DNM2: variants seen among roughly 807,000 people sequenced by gnomAD.
The protein encoded by DNM2 is dynamin 2.
A neutral mutation model predicts 99.0 loss-of-function variants in DNM2; 15 were observed. That is an observed-to-expected ratio of 0.15 (90% CI 0.10 to 0.23). DNM2 has a LOEUF of 0.23. DNM2 is among the 10% of genes least tolerant of loss of function. The pLI is 1.00. For missense variants in DNM2, 742 were observed against 1,189.4 expected (o/e 0.62, Z 5.53); for synonymous variants, 525 against 481.2 (o/e 1.09, Z -1.19).
In DNM2 at chr19:10,764,068, G is replaced by A. The variant is rs1200968380; in HGVS notation, c.235+4257G>A. Among the ~76,000 whole-genome samples, 3 of 152,172 alleles carry A rather than the reference G, an allele frequency of 2.0e-5. No individual in the cohort carries two copies. Among genetic ancestry groups the A allele is most frequent in the Admixed American group, 1.3e-4 (2 of 15,284 alleles). On this transcript the variant is annotated intron_variant, in intron 2 of 20. Transcript: ENST00000389253. The surrounding 1 kb of genome is among the most constrained non-coding windows in gnomAD (Gnocchi z 4.1). ...GGAGAGGAAAATGAACACATTGCGG[G>A]CATCAGTGATTGCTGGGGCCGGCGG...
intron 1 of DNM2, among the ~76,000 whole-genome samples, chr19:10,732,311 A>C (rs1317881891): frequency 1.3e-5 from 2 of 149,802 alleles, no homozygotes; most frequent in South Asian, 4.2e-4. Flanking sequence ...AAAAAAAAAA[A>C]AAAAAAACAG....
In DNM2 at chr19:10,830,826, C is replaced by T. The variant is rs2073321438; in HGVS notation, c.2544-152C>T. On this transcript the variant is annotated intron_variant, in intron 20 of 20. Transcript: ENST00000389253. This position sits in a 1 kb window ranked among gnomAD's most constrained non-coding sequence, Gnocchi z 4.8. ...CGAGTTGATGCCTAGGTTTGGCACT[C>T]CTGCCCGACACCCTGGTGGCTTGCG... 1 of 970,702 alleles carries T rather than the reference C, an allele frequency of 1.0e-6. No homozygotes were observed. 60.1% of individuals were successfully genotyped at this position (970,702 alleles called of 1,614,324 possible). A position where few individuals can be genotyped will look rare whatever the true frequency, so the allele number is the denominator to read the frequency against.
In DNM2 at chr19:10,718,272, C is replaced by T. The variant is rs1249596675; in HGVS notation, c.30C>T (p.Ile10=). 7 of 1,492,648 alleles carry T rather than the reference C, an allele frequency of 4.7e-6. No individual in the cohort carries two copies. Among genetic ancestry groups the T allele is most frequent in the Admixed American group, 2.3e-5 (1 of 44,106 alleles). 92.5% of individuals were successfully genotyped at this position (1,492,648 alleles called of 1,614,324 possible). The change falls in exon 1 of 21, where the codon ATC becomes ATT. Residue 10 remains isoleucine, a synonymous_variant. Transcript: ENST00000389253. ...GCAACCGCGGGATGGAAGAGCTGAT[C>T]CCGCTGGTCAACAAACTGCAGGACG... MGNRGMEEL[I]PLVNKLQDAF...
intron 1 of DNM2, among the ~76,000 whole-genome samples, chr19:10,749,820 GA>G (rs918533781): frequency 3.3e-5 from 5 of 152,244 alleles, no homozygotes; most frequent in African/African-American, 1.2e-4. Flanking sequence ...GTTTTGCTGG[GA>G]GTGGGAAGGG....
intron 11 of DNM2, among the ~76,000 whole-genome samples, chr19:10,799,575 C>T (rs944714641): frequency 6.0e-5 from 9 of 149,522 alleles, no homozygotes; most frequent in Admixed American, 2.0e-4. Flanking sequence ...GCTCTGTCGC[C>T]CAGGCTGGGG....
rs1270575792 is a variant in DNM2 at position 10,783,696 on chromosome 19, A to T, written c.849+576A>T. ...TTTATTTATTATTATTATTATTATT[A>T]TTATTATTATTTTTTATTTTTGGAG... is the stretch of plus-strand genomic sequence containing the variant. On this transcript the variant is annotated intron_variant, in intron 6 of 20. Transcript: ENST00000389253. 4.8e-3 allele frequency among the ~76,000 whole-genome samples: 649 copies of T among 134,428 alleles called. 6 individuals are homozygous for T. Among genetic ancestry groups the T allele is most frequent in the East Asian group, 0.015 (73 of 4,744 alleles). 88.2% of individuals were successfully genotyped at this position (134,428 alleles called of 152,430 possible). A position where few individuals can be genotyped will look rare whatever the true frequency, so the allele number is the denominator to read the frequency against.
At position 10,719,064 on chromosome 19, in the gene DNM2, T is replaced by C. The variant is rs188120220; in HGVS notation, c.161+661T>C. Among the ~76,000 whole-genome samples, 202 of 152,306 alleles carry C rather than the reference T, an allele frequency of 1.3e-3. 3 individuals carry two copies. The highest frequency in any genetic ancestry group is 3.5e-4 in the Non-Finnish European group (24 of 68,022). Reference sequence around the variant, plus strand: ...GGCCTCTACTGTCTGACTGGCTAGCTGACTCCTAGGGGACCCTGTTTGATT... The same window carrying C: ...GGCCTCTACTGTCTGACTGGCTAGCCGACTCCTAGGGGACCCTGTTTGATT... On this transcript the variant is annotated intron_variant, in intron 1 of 20. Coordinates refer to ENST00000389253, the MANE Select transcript of DNM2 (RefSeq NM_001005361.3).
intron 1 of DNM2, among the ~76,000 whole-genome samples, chr19:10,732,329 G>A (rs550508744): frequency 1.9e-4 from 28 of 149,730 alleles, no homozygotes; most frequent in African/African-American, 5.8e-4. Flanking sequence ...CAGGCCGGGC[G>A]GTGGCTCATG....
At chr19:10,731,411 T>C (rs2069312116) in intron 1 of DNM2, among the ~76,000 whole-genome samples, 1 of 150,080 alleles carries the variant, frequency 6.7e-6, no homozygotes, top group Non-Finnish European at 1.5e-5. Flanking sequence ...TGGAGTGCAA[T>C]GCATGATCTC....
At chr19:10,824,900 C>G in intron 17 of DNM2, 157 bp from the exon 18 acceptor site, 7 of 1,186,838 alleles carry the variant, frequency 5.9e-6, no homozygotes, top group Non-Finnish European at 8.6e-6. Context: ...TTGGGCAGCT[C>G]TGGCCCAGGG....
intron 14 of DNM2, 46 bp downstream of exon 14, chr19:10,808,626 G>C (rs987841792): frequency 1.2e-6 from 2 of 1,602,770 alleles, no homozygotes; most frequent in South Asian, 1.1e-5. Context: ...GAATCTAGTG[G>C]TGATGGAGAC....
chr19:10,797,389 C>T lies in DNM2; in HGVS notation c.1206C>T (p.Leu402=). 6.2e-7 allele frequency: 1 copy of T among 1,612,866 alleles called. No homozygotes were observed. The highest frequency in any genetic ancestry group is 8.5e-7 in the Non-Finnish European group (1 of 1,179,996). ...CCTCCGCATGACCCAGGACGGGGCT[C>T]TTCACCCCCGACATGGCCTTTGAAG... The part of the protein sequence containing the change: ...IKNIHGVRTG[L]FTPDMAFEAI... Residue 402 remains leucine (L), a synonymous_variant, in exon 10 of 21, where the codon CTC becomes CTT. Transcript: ENST00000389253.
intron 18 of DNM2, among the ~76,000 whole-genome samples, chr19:10,825,997 T>G (rs2073131944): frequency 1.3e-5 from 2 of 152,042 alleles, no homozygotes; most frequent in South Asian, 4.1e-4. Flanking sequence ...ATCATGCCAC[T>G]GCACTCCAGC....
intron 1 of DNM2, among the ~76,000 whole-genome samples, chr19:10,757,900 G>A (rs1044134911): frequency 7.2e-6 from 1 of 138,328 alleles, no homozygotes; most frequent in Admixed American, 7.9e-5. Context: ...TTGAGATCGA[G>A]CCACTGCACT....
chr19:10,757,166 G>A (rs993150211), intron 1 of DNM2, among the ~76,000 whole-genome samples: 2 of 152,072 alleles, frequency 1.3e-5, no homozygotes, highest in African/African-American at 2.4e-5. Context: ...TGCCAGCAGC[G>A]CCCCTGGGGG....
At position 10,793,713 on chromosome 19, in the gene DNM2, C is replaced by G. The variant is rs2071833224; in HGVS notation, c.993-7C>G. 2 of 1,614,124 alleles carry G rather than the reference C, an allele frequency of 1.2e-6. No individual in the cohort carries two copies. Among genetic ancestry groups the G allele is most frequent in the Non-Finnish European group, 1.7e-6 (2 of 1,180,032 alleles). ...TTTTGATGCTTGCTTTTTCCTTTTC[C>G]TCATAGGATGGTCCAGCAGTTTGGG... On this transcript the variant is annotated splice_polypyrimidine_tract_variant and splice_region_variant and intron_variant, in intron 7 of 20. Coordinates refer to ENST00000389253, the MANE Select transcript of DNM2 (RefSeq NM_001005361.3).
chr19:10,725,216 G>C (rs2069073691), intron 1 of DNM2, among the ~76,000 whole-genome samples: 1 of 152,198 alleles, frequency 6.6e-6, no homozygotes. Flanking sequence ...GGGAGGCCGA[G>C]GCAGGCAGAT....
At chr19:10,821,595 G>A (rs185204764) in intron 16 of DNM2, among the ~76,000 whole-genome samples, 97 of 152,094 alleles carry the variant, frequency 6.4e-4, no homozygotes, top group African/African-American at 2.1e-3. Flanking sequence ...GCAATGGTGC[G>A]ATCTCAGCTC....
rs765944687 is a variant in DNM2 at position 10,811,840 on chromosome 19, G to A, written c.1558-424G>A. 1 of 514,246 alleles carries A rather than the reference G, an allele frequency of 1.9e-6. No homozygotes were observed. Among genetic ancestry groups the A allele is most frequent in the South Asian group, 1.4e-5 (1 of 70,460 alleles). The allele number at this position is 514,246 out of a possible 1,614,324, so 31.9% of individuals were successfully genotyped here. ...GAGCCGCGCTCCTTCAATGTCCTTGGGGAGGGCCCCTGGGCTCACACCTTT... is the reference window on the plus strand; with the variant it reads ...GAGCCGCGCTCCTTCAATGTCCTTGAGGAGGGCCCCTGGGCTCACACCTTT... On this transcript the variant is annotated intron_variant, in intron 14 of 20. Transcript: ENST00000389253. The surrounding 1 kb of genome is among the most constrained non-coding windows in gnomAD (Gnocchi z 5.4).
Sources: allele counts gnomAD v4.1 joint callset (sites outside exome capture counted in the v4.1 genomes callset), GRCh38; gene constraint gnomAD v4.1.1; non-coding constraint Gnocchi (gnomAD v3.1); transcripts MANE v1.5; gene names NCBI Gene and HGNC (gene_info 2026-07-23, HGNC 2026-07-21).